Variants in CSMD3 observed in about 807,000 individuals in gnomAD.
The protein encoded by CSMD3 is CUB and Sushi multiple domains 3.
In CSMD3, 177 loss-of-function variants were observed where a neutral mutation model predicts 435.2. That is an observed-to-expected ratio of 0.41 (90% CI 0.36 to 0.46). The LOEUF is 0.46. CSMD3 is among the 20% of genes least tolerant of loss of function. The pLI is 0.34. For missense variants in CSMD3, 4,265 were observed against 4,504.6 expected, an observed-to-expected ratio of 0.95 and a Z score of 1.52; for synonymous variants, 1,656 against 1,520.5, an observed-to-expected ratio of 1.09 and a Z score of -2.07.
chr8:112,465,223 C>T (rs2130706543), intron 32 of CSMD3, among the ~76,000 whole-genome samples: 1 of 152,250 alleles, frequency 6.6e-6, no homozygotes, highest in East Asian at 1.9e-4. Context: ...TGAATTACTG[C>T]AACTTTCATT....
chr8:112,692,227 C>A (rs1358355429), intron 13 of CSMD3, among the ~76,000 whole-genome samples: 2 of 151,788 alleles, frequency 1.3e-5, no homozygotes, highest in Non-Finnish European at 2.9e-5. Context: ...AATCTTAGAA[C>A]TTTTTTAGTA....
intron 1 of CSMD3, among the ~76,000 whole-genome samples, chr8:113,360,236 A>G (rs2094263165): frequency 6.6e-6 from 1 of 152,176 alleles, no homozygotes; most frequent in South Asian, 2.1e-4. Flanking sequence ...TGACAAGAGT[A>G]GCTCTGGATT....
chr8:113,229,725 T>C (rs138821245), intron 3 of CSMD3, among the ~76,000 whole-genome samples: 1 of 151,712 alleles, frequency 6.6e-6, no homozygotes, highest in African/African-American at 2.4e-5. Flanking sequence ...AAACTTGAAG[T>C]ATATTACCTA....
intron 13 of CSMD3, among the ~76,000 whole-genome samples, chr8:112,717,000 T>G (rs1211932100): frequency 1.3e-5 from 2 of 152,142 alleles, no homozygotes; most frequent in Non-Finnish European, 2.9e-5. Context: ...ATTCAGGATA[T>G]GGGCATGGGT....
chr8:112,621,018 C>T (rs576385859), intron 22 of CSMD3, among the ~76,000 whole-genome samples: 3 of 151,980 alleles, frequency 2.0e-5, no homozygotes, highest in Non-Finnish European at 4.4e-5. Context: ...GGGCGGATCA[C>T]CTGAGGTTAG....
chr8:112,264,590 A>C (rs1034660428), intron 60 of CSMD3, among the ~76,000 whole-genome samples: 1 of 152,060 alleles, frequency 6.6e-6, no homozygotes, highest in African/African-American at 2.4e-5. Context: ...AAAACATAAA[A>C]TGTCTGCTCA....
At chr8:112,822,798 T>A (rs956756201) in intron 12 of CSMD3, among the ~76,000 whole-genome samples, 1 of 152,178 alleles carries the variant, frequency 6.6e-6, no homozygotes, top group African/African-American at 2.4e-5. Context: ...CTTATTATTT[T>A]GAGATATGTT....
chr8:112,627,644 G>T (rs1389071147), intron 22 of CSMD3, among the ~76,000 whole-genome samples: 1 of 152,096 alleles, frequency 6.6e-6, no homozygotes, highest in African/African-American at 2.4e-5. Flanking sequence ...GGTATTTTTA[G>T]GAGTCTTCTA....
chr8:112,954,933 A>C (rs2083959515), intron 7 of CSMD3, among the ~76,000 whole-genome samples, 172 bp from the exon 8 acceptor site: 1 of 151,660 alleles, frequency 6.6e-6, no homozygotes, highest in Non-Finnish European at 1.5e-5. Context: ...CTTAGTAGTA[A>C]AATACTAAGC....
intron 1 of CSMD3, among the ~76,000 whole-genome samples, chr8:113,418,600 T>C (rs529236382): frequency 2.6e-5 from 4 of 152,164 alleles, no homozygotes; most frequent in African/African-American, 9.6e-5. Context: ...ATGATAAAAA[T>C]ACGGGAGATG....
At chr8:112,715,581 A>C (rs76421879) in intron 13 of CSMD3, among the ~76,000 whole-genome samples, 1 of 152,218 alleles carries the variant, frequency 6.6e-6, no homozygotes, top group South Asian at 2.1e-4. Context: ...TTTTGAGGCC[A>C]GCATCATCCT....
At position 112,231,681 on chromosome 8, in the gene CSMD3, T is replaced by C. The variant is rs748210982; in HGVS notation, c.10741-49A>G. 15 of 1,051,400 alleles carry C rather than the reference T, an allele frequency of 1.4e-5. No homozygotes were observed. The South Asian group carries it at 1.8e-4, about 12-fold the overall frequency. 65.1% of individuals were successfully genotyped at this position (1,051,400 alleles called of 1,614,324 possible). On this transcript the variant is annotated intron_variant, in intron 68 of 70. Coordinates refer to ENST00000297405, the MANE Select transcript of CSMD3 (RefSeq NM_198123.2). ...TATACTTGAATACTGGCCATAGCTA[T>C]ATTTTCCCAGCCTTAATAAATACAC...
At chr8:113,393,631 C>T (rs753450828) in intron 1 of CSMD3, among the ~76,000 whole-genome samples, 1 of 152,088 alleles carries the variant, frequency 6.6e-6, no homozygotes, top group Non-Finnish European at 1.5e-5. Context: ...GAAAGGTGCA[C>T]ACTAGTTTCA....
intron 22 of CSMD3, among the ~76,000 whole-genome samples, chr8:112,601,866 A>G (rs1832378030): frequency 6.6e-6 from 1 of 152,204 alleles, no homozygotes; most frequent in Non-Finnish European, 1.5e-5. Flanking sequence ...TGAGTTAATT[A>G]AATACTTAAA....
chr8:112,285,924 T>A (rs2111426), intron 58 of CSMD3, among the ~76,000 whole-genome samples: 35,759 of 151,706 alleles, frequency 0.24, 4,387 homozygotes, highest in East Asian at 0.36. Context: ...TCAGGCTGGG[T>A]CCTACTCAGG....
intron 41 of CSMD3, among the ~76,000 whole-genome samples, chr8:112,342,646 C>T (rs1357496702): frequency 6.6e-6 from 1 of 151,990 alleles, no homozygotes; most frequent in African/African-American, 2.4e-5. Context: ...GAACTGCAAA[C>T]CGAGGCATTC....
intron 27 of CSMD3, among the ~76,000 whole-genome samples, chr8:112,522,311 A>T (rs72676640): frequency 0.014 from 2,093 of 152,028 alleles, 31 homozygotes; most frequent in Non-Finnish European, 0.02. Context: ...TATTCTAATT[A>T]TATATAAGGA....
intron 4 of CSMD3, among the ~76,000 whole-genome samples, chr8:113,140,864 C>G (rs903640146): frequency 6.6e-6 from 1 of 150,650 alleles, no homozygotes; most frequent in African/African-American, 2.4e-5. Flanking sequence ...AGCAAACAAC[C>G]TCAAAGTAAG....
chr8:112,478,567 G>A (rs1321434845), intron 31 of CSMD3, among the ~76,000 whole-genome samples: 1 of 152,300 alleles, frequency 6.6e-6, no homozygotes, highest in East Asian at 1.9e-4. Flanking sequence ...AAAGTTAAGA[G>A]TGATGTCTTT....
Sources: gnomAD v4.1 joint callset for allele counts (sites outside exome capture counted in the v4.1 genomes callset) on GRCh38, gnomAD v4.1.1 for gene constraint, MANE v1.5 for transcripts, NCBI Gene and HGNC (gene_info 2026-07-23, HGNC 2026-07-21) for gene names.